The following ATP11C variants were observed in gnomAD, a reference collection of about 807,000 sequenced individuals.
ATP11C encodes phospholipid-transporting ATPase IG.
In ATP11C, 36 loss-of-function variants were observed where a neutral mutation model predicts 97.4. The observed-to-expected ratio is 0.37, with a 90% CI of 0.28 to 0.49. The LOEUF (loss-of-function observed/expected upper bound fraction) is 0.49, where lower values mean the gene tolerates loss of function less well. ATP11C is among the 20% of genes least tolerant of loss of function. The pLI, the probability that ATP11C is intolerant of heterozygous loss-of-function variation, is 0.98. For synonymous variants in ATP11C, 275 were observed against 290.9 expected (o/e 0.95, Z 0.56); for missense variants, 730 against 824.6 (o/e 0.89, Z 1.40).
At chrX:139,907,547 G>A (rs896972777) in intron 1 of ATP11C, among the ~76,000 whole-genome samples, 24 of 110,473 alleles carry the variant, frequency 2.2e-4, no homozygotes, top group South Asian at 3.9e-4. Flanking sequence ...AGGAGATCGA[G>A]ACCATCCTGG....
chrX:139,915,224 A>G (rs903695976), intron 1 of ATP11C, among the ~76,000 whole-genome samples: 1 of 111,798 alleles, frequency 8.9e-6, no homozygotes, highest in Non-Finnish European at 1.9e-5. Context: ...ATGAGACACT[A>G]CTATCATTGC....
At chrX:139,875,415 T>G (rs1385037111) in intron 1 of ATP11C, among the ~76,000 whole-genome samples, 1 of 56,017 alleles carries the variant, frequency 1.8e-5, no homozygotes, top group Non-Finnish European at 3.0e-5. Context: ...GGGCCCCATC[T>G]CCACAAAAAA....
intron 20 of ATP11C, among the ~76,000 whole-genome samples, chrX:139,768,001 G>A (rs2082173309): frequency 9.0e-6 from 1 of 111,061 alleles, no homozygotes; most frequent in Non-Finnish European, 1.9e-5. Flanking sequence ...CAGGCACAAA[G>A]CACTCATCAG....
At position 139,851,905 on chromosome X, in the gene ATP11C, T is replaced by A. The variant is rs756742487; in HGVS notation, c.28-25082A>T. Among the ~76,000 whole-genome samples the A allele has an allele frequency of 3.6e-5, 4 of 111,933 alleles. No homozygotes were observed. In the East Asian group the frequency reaches 1.1e-3, roughly 32 times the overall value. On this transcript the variant is annotated intron_variant, in intron 1 of 29. Coordinates refer to ENST00000682941, the MANE Select transcript of ATP11C (RefSeq NM_001353812.2). ...GCTATTTTGATAGCACATAACTTGTTCATTTCACAGGCTCACAGCTGGAGA... is the reference window on the plus strand; with the variant it reads ...GCTATTTTGATAGCACATAACTTGTACATTTCACAGGCTCACAGCTGGAGA...
chrX:139,876,090 C>T (rs1169237205), intron 1 of ATP11C, among the ~76,000 whole-genome samples: 1 of 111,444 alleles, frequency 9.0e-6, no homozygotes, highest in African/African-American at 3.3e-5. Flanking sequence ...TTACTAAATC[C>T]TTCTACAGTA....
At chrX:139,920,075 T>C (rs1376057223) in intron 1 of ATP11C, among the ~76,000 whole-genome samples, 1 of 110,824 alleles carries the variant, frequency 9.0e-6, no homozygotes, top group Non-Finnish European at 1.9e-5. Flanking sequence ...TCAAAAGGAA[T>C]GAGTCCGGGC....
intron 26 of ATP11C, among the ~76,000 whole-genome samples, chrX:139,742,971 A>T (rs2081601374): frequency 9.5e-6 from 1 of 105,136 alleles, no homozygotes; most frequent in African/African-American, 3.5e-5. Flanking sequence ...CCTGGGCTCA[A>T]GCGATCTGCC....
rs1478751562 is a variant in ATP11C, at chrX:139,782,667, A to G, written c.1832T>C (p.Ile611Thr). Residue 611 changes from isoleucine (I) to threonine (T), a missense_variant, in exon 18 of 30, where the codon ATT becomes ACT. By Grantham distance (89) the Ile-to-Thr change is moderately conservative. Transcript: ENST00000682941. ...TTTTGCCTCTATGAGCTGTCTGTTA[A>G]TTCTTTCATAATCATCTGGAGCAAT... is the stretch of plus-strand genomic sequence containing the variant. ...KEIAPDDYERINRQLIEAKMA... is the reference protein window; with the variant it reads ...KEIAPDDYERTNRQLIEAKMA... 1.7e-6 allele frequency: 2 copies of G among 1,206,540 alleles called. No individual in the cohort carries two copies. The highest frequency in any genetic ancestry group is 2.2e-6 in the Non-Finnish European group (2 of 892,111).
chrX:139,795,682 C>G (rs1451723639), intron 12 of ATP11C, among the ~76,000 whole-genome samples: 1 of 111,962 alleles, frequency 8.9e-6, no homozygotes, highest in East Asian at 2.8e-4. Flanking sequence ...CTGTGTTGCA[C>G]TGGAAAATAA....
intron 1 of ATP11C, among the ~76,000 whole-genome samples, chrX:139,931,049 T>G (rs1326182340): frequency 8.9e-6 from 1 of 111,906 alleles, no homozygotes; most frequent in African/African-American, 3.2e-5. Flanking sequence ...TTCCACATCA[T>G]TGGCAGAAAT....
rs756959824 is a variant in ATP11C, at chrX:139,872,632, G to A, written c.28-45809C>T. ...GTGGTGTTTGGTTTTCTGTCCTTGC[G>A]ATAGTTTGCTCAGAATGATGGTTTC... On this transcript the variant is annotated intron_variant, in intron 1 of 29. Transcript: ENST00000682941. 2.0e-3 allele frequency among the ~76,000 whole-genome samples: 219 copies of A among 110,129 alleles called. 1 individual carries two copies. Among genetic ancestry groups the A allele is most frequent in the African/African-American group, 7.0e-3 (209 of 29,982 alleles).
chrX:139,904,018 T>A (rs1311705957), intron 1 of ATP11C, among the ~76,000 whole-genome samples: 1 of 111,810 alleles, frequency 8.9e-6, no homozygotes, highest in Non-Finnish European at 1.9e-5. Context: ...AGCTCCCAGG[T>A]GATGTGATAC....
At chrX:139,756,844 G>A (rs192939574) in intron 23 of ATP11C, among the ~76,000 whole-genome samples, 1 of 108,268 alleles carries the variant, frequency 9.2e-6, no homozygotes, top group Non-Finnish European at 1.9e-5. Context: ...AGGAGGGAGA[G>A]GATCAAAAAG....
chrX:139,840,209 C>T (rs763593356), intron 1 of ATP11C, among the ~76,000 whole-genome samples: 112 of 112,476 alleles, frequency 1.0e-3, no homozygotes, highest in African/African-American at 3.4e-3. Context: ...AAAAGAAATC[C>T]TGTGAGAAGT....
At chrX:139,903,178 C>T (rs5954997) in intron 1 of ATP11C, among the ~76,000 whole-genome samples, 6,460 of 111,222 alleles carry the variant, frequency 0.058, 446 homozygotes, top group African/African-American at 0.2. Flanking sequence ...GTGAAAAATC[C>T]ATAGTCAAAA....
chrX:139,933,631 C>T (rs2085484316), upstream of ATP11C, among the ~76,000 whole-genome samples: 1 of 112,174 alleles, frequency 8.9e-6, no homozygotes, highest in South Asian at 3.7e-4. Flanking sequence ...AAAGGGAGTT[C>T]AGAGACTCTT....
intron 1 of ATP11C, among the ~76,000 whole-genome samples, chrX:139,833,611 G>A (rs1406501259): frequency 9.1e-6 from 1 of 110,302 alleles, no homozygotes; most frequent in Non-Finnish European, 1.9e-5. Flanking sequence ...GACCACTTAA[G>A]CCCAGAAGTT....
At chrX:139,934,609 G>A (rs1253796840), upstream of ATP11C, among the ~76,000 whole-genome samples, 4 of 98,893 alleles carry the variant, frequency 4.0e-5, no homozygotes, top group African/African-American at 1.5e-4. Context: ...CTGGAGTGCA[G>A]TGGCGCGATC....
chrX:139,783,840 C>T, intron 16 of ATP11C, among the ~76,000 whole-genome samples: 1 of 106,927 alleles, frequency 9.4e-6, no homozygotes, highest in East Asian at 3.0e-4. Context: ...GCCACTCCAG[C>T]CTAGATGACA....
Sources: allele counts gnomAD v4.1 joint callset (sites outside exome capture counted in the v4.1 genomes callset), GRCh38; gene constraint gnomAD v4.1.1; transcripts MANE v1.5; gene names NCBI Gene and HGNC (gene_info 2026-07-23, HGNC 2026-07-21).